Variants in CELF2 observed in about 807,000 individuals in gnomAD.
The protein encoded by CELF2 is CUGBP Elav-like family member 2, also known as CUG triplet repeat RNA-binding protein 2.
A neutral mutation model predicts 62.6 loss-of-function variants in CELF2; 8 were observed. That is an observed-to-expected ratio of 0.13 (90% CI 0.07 to 0.23). CELF2 has a LOEUF of 0.23. Ranked by LOEUF, CELF2 falls within the 10% of genes least tolerant of loss-of-function variation. The pLI is 1.00. For synonymous variants in CELF2, 258 were observed against 250.0 expected (o/e 1.03, Z -0.30); for missense variants, 333 against 671.0 (o/e 0.50, Z 5.56).
intron 1 of CELF2, among the ~76,000 whole-genome samples, chr10:10,860,028 A>G (rs949434915): frequency 6.6e-6 from 1 of 152,176 alleles, no homozygotes; most frequent in African/African-American, 2.4e-5. Flanking sequence ...CAAATATAAT[A>G]AATCCATTAC....
intron 1 of CELF2, among the ~76,000 whole-genome samples, chr10:11,085,847 A>G (rs2046557633): frequency 6.6e-6 from 1 of 152,112 alleles, no homozygotes; most frequent in Non-Finnish European, 1.5e-5. Flanking sequence ...CATTTCCAGA[A>G]ATACATCGAG....
intron 1 of CELF2, among the ~76,000 whole-genome samples, chr10:11,070,518 G>A (rs940641110): frequency 2.0e-5 from 3 of 152,192 alleles, no homozygotes; most frequent in African/African-American, 7.2e-5. Context: ...TACAGGACTG[G>A]GCCTGGTGAG....
intron 2 of CELF2, among the ~76,000 whole-genome samples, chr10:11,212,878 C>T (rs1390424417): frequency 6.6e-6 from 1 of 152,022 alleles, no homozygotes. Context: ...AGGCCACTGC[C>T]ACTGGCAGAA....
At chr10:10,718,363 C>A in the CELF2 span, among the ~76,000 whole-genome samples, 17 of 152,256 alleles carry the variant, frequency 1.1e-4, no homozygotes, top group African/African-American at 4.1e-4. Flanking sequence ...GTGGCTCATG[C>A]CTGTAATCCC....
intron 1 of CELF2, among the ~76,000 whole-genome samples, chr10:11,112,269 C>A (rs974381452): frequency 6.6e-6 from 1 of 152,156 alleles, no homozygotes; most frequent in African/African-American, 2.4e-5. Flanking sequence ...TGAGCTTTTT[C>A]CTTTCTTTGA....
At chr10:10,721,175 T>C in the CELF2 span, among the ~76,000 whole-genome samples, 1 of 152,218 alleles carries the variant, frequency 6.6e-6, no homozygotes, top group African/African-American at 2.4e-5. Context: ...GCAACTGCTT[T>C]TGATGAAAAG....
intron 2 of CELF2, among the ~76,000 whole-genome samples, chr10:10,935,968 G>A (rs1977250): frequency 0.36 from 54,437 of 150,772 alleles, 10,577 homozygotes; most frequent in East Asian, 0.73. Context: ...CCTGGCCAAC[G>A]TGGTGAAACC....
chr10:10,844,700 C>G (rs928674347), intron 1 of CELF2, among the ~76,000 whole-genome samples: 1 of 152,076 alleles, frequency 6.6e-6, no homozygotes, highest in Non-Finnish European at 1.5e-5. Context: ...TCTTGGGATT[C>G]TCTGACTTCA....
chr10:11,053,609 TTTC>T (rs2140149512), intron 1 of CELF2, among the ~76,000 whole-genome samples: 1 of 150,054 alleles, frequency 6.7e-6, no homozygotes, highest in Admixed American at 6.7e-5. Context: ...TACTCTGATA[TTTC>T]TTTTTTTTTT....
At chr10:10,702,719 G>A in the CELF2 span, among the ~76,000 whole-genome samples, 1 of 152,048 alleles carries the variant, frequency 6.6e-6, no homozygotes, top group Non-Finnish European at 1.5e-5. Flanking sequence ...TGAGTAGCTG[G>A]GATTACAGGT....
At chr10:10,961,347 G>A (rs188151109) in intron 2 of CELF2, among the ~76,000 whole-genome samples, 1 of 152,286 alleles carries the variant, frequency 6.6e-6, no homozygotes, top group African/African-American at 2.4e-5. Flanking sequence ...ATTGTGAAAT[G>A]TTACCATATT....
intron 1 of CELF2, among the ~76,000 whole-genome samples, chr10:10,848,772 C>CG (rs2059176700): frequency 6.6e-6 from 1 of 152,130 alleles, no homozygotes; most frequent in Non-Finnish European, 1.5e-5. Flanking sequence ...CCATGAAATA[C>CG]GGTAGAGTTT....
At chr10:10,796,098 C>A (rs1011468874), upstream of CELF2, among the ~76,000 whole-genome samples, 31 of 152,172 alleles carry the variant, frequency 2.0e-4, no homozygotes, top group Admixed American at 2.0e-3. Flanking sequence ...GAAAAGCCCC[C>A]AAGCAGATGG....
chr10:10,715,779 ACT>A, the CELF2 span, among the ~76,000 whole-genome samples: 1 of 152,000 alleles, frequency 6.6e-6, no homozygotes, highest in Non-Finnish European at 1.5e-5. Flanking sequence ...TTATCTGAAA[ACT>A]CTCTGGGAAG....
the CELF2 span, among the ~76,000 whole-genome samples, chr10:10,524,377 T>C: frequency 6.7e-6 from 1 of 150,250 alleles, no homozygotes; most frequent in Admixed American, 6.7e-5. Flanking sequence ...ATCTAGGAGA[T>C]TCATAGATCT....
chr10:11,202,853 T>C (rs1254155789), intron 2 of CELF2, among the ~76,000 whole-genome samples: 1 of 151,538 alleles, frequency 6.6e-6, no homozygotes, highest in East Asian at 1.9e-4. Flanking sequence ...GCATTTTAGC[T>C]CCTTGCAGAG....
chr10:10,817,375 A>G (rs540376889), intron 1 of CELF2, among the ~76,000 whole-genome samples: 10 of 152,318 alleles, frequency 6.6e-5, no homozygotes, highest in African/African-American at 2.2e-4. Context: ...ATTGTTGACT[A>G]TAGTCATTCC....
chr10:10,536,005 T>C, the CELF2 span, among the ~76,000 whole-genome samples: 2 of 144,168 alleles, frequency 1.4e-5, no homozygotes, highest in African/African-American at 5.1e-5. Flanking sequence ...GGGTGGGGGC[T>C]TCAAGAAAGC....
In CELF2 at chr10:11,331,415, T is replaced by C. The variant is rs1479954867; in HGVS notation, c.*2362T>C. 1 of 151,146 alleles carries C rather than the reference T, an allele frequency of 6.6e-6. No homozygotes were observed. The highest frequency in any genetic ancestry group is 1.5e-5 in the Non-Finnish European group (1 of 67,746). The allele number at this position is 151,146 out of a possible 1,614,324, so 9.4% of individuals were successfully genotyped here. A position where few individuals can be genotyped will look rare whatever the true frequency, so the allele number is the denominator to read the frequency against. On this transcript the variant is annotated 3_prime_UTR_variant, in exon 13 of 13. Coordinates refer to ENST00000633077, the MANE Select transcript of CELF2 (RefSeq NM_001326342.2). Reference sequence around the variant, plus strand: ...GAAGCATTGATGTCATTTTTTTTAATTGTGGACTATTTAGATGTGTTTGTG... The same window carrying C: ...GAAGCATTGATGTCATTTTTTTTAACTGTGGACTATTTAGATGTGTTTGTG...
Sources: allele counts gnomAD v4.1 joint callset (sites outside exome capture counted in the v4.1 genomes callset), GRCh38; gene constraint gnomAD v4.1.1; transcripts MANE v1.5; gene names NCBI Gene and HGNC (gene_info 2026-07-23, HGNC 2026-07-21).